Variants in CELSR1 observed in about 807,000 individuals in gnomAD.
CELSR1 encodes adhesion G protein-coupled receptor C1.
Under a neutral mutation model 249.1 loss-of-function variants are expected in CELSR1, and 110 were observed. The ratio of observed to expected loss-of-function variants is 0.44; its 90% CI spans 0.38 to 0.52. The LOEUF is 0.52. Ranked by LOEUF, CELSR1 falls within the 20% of genes least tolerant of loss-of-function variation. CELSR1 has a pLI of 0.00. For synonymous variants in CELSR1, 2,113 were observed against 1,900.0 expected, an observed-to-expected ratio of 1.11 and a Z score of -2.92; for missense variants, 4,109 against 4,296.4, an observed-to-expected ratio of 0.96 and a Z score of 1.22.
rs2079713897 is a variant in CELSR1 at position 46,439,417 on chromosome 22, G to C, written c.4184-6C>G. ...ATCCACCTCACAGTGCTCTCCTGGG[G>C]GGCGAGAGGAAGATGCCAGAGAGGA... is the stretch of plus-strand genomic sequence containing the variant. On this transcript the variant is annotated splice_polypyrimidine_tract_variant and splice_region_variant and intron_variant, in intron 2 of 34. Transcript: ENST00000674500. The C allele has an allele frequency of 1.2e-6, 2 of 1,608,680 alleles. No homozygotes were observed. Among genetic ancestry groups the C allele is most frequent in the Non-Finnish European group, 1.7e-6 (2 of 1,178,358 alleles).
chr22:46,431,759 C>T (rs961036321), intron 5 of CELSR1, among the ~76,000 whole-genome samples: 5 of 152,194 alleles, frequency 3.3e-5, no homozygotes, highest in Admixed American at 6.5e-5. Flanking sequence ...AGGACGGCAC[C>T]GTATCAAGAA....
Position 46,401,060 on chromosome 22 carries a change from G to A in CELSR1, c.5227-1158C>T, listed in dbSNP as rs1216381234. ...GAAAAAGGATCAATCGCTTCATGGA[G>A]GTCAAGTAAGGGAAGCGCCAAGAAC... On this transcript the variant is annotated intron_variant, in intron 9 of 34. Transcript: ENST00000674500. This position sits in a 1 kb window ranked among gnomAD's most constrained non-coding sequence, Gnocchi z 4.7. Among the ~76,000 whole-genome samples, 2 of 152,140 alleles carry A rather than the reference G, an allele frequency of 1.3e-5. No homozygotes were observed. The highest frequency in any genetic ancestry group is 3.9e-4 in the East Asian group (2 of 5,190).
chr22:46,519,382 G>C (rs778145234), intron 1 of CELSR1, among the ~76,000 whole-genome samples: 1 of 152,232 alleles, frequency 6.6e-6, no homozygotes, highest in African/African-American at 2.4e-5. Context: ...TTGAACCAGC[G>C]TGTGTACTGG....
chr22:46,439,248 G>A lies in CELSR1; in HGVS notation c.4347C>T (p.Pro1449=). The change falls in exon 3 of 35, where the codon CCC becomes CCT. Residue 1449 remains proline (P), a synonymous_variant. Transcript: ENST00000674500. ...GGCCCCGGAAGGTGACGAAGGACTG[G>A]GGCGGGAAGCTCCTGGTGGTCACCT... The part of the protein sequence containing the change: ...YCEVTTRSFP[P]QSFVTFRGLR... The A allele has an allele frequency of 9.3e-6, 15 of 1,614,190 alleles. No homozygotes were observed. Among genetic ancestry groups the A allele is most frequent in the East Asian group, 2.2e-5 (1 of 44,888 alleles).
Position 46,386,540 on chromosome 22 carries a change from C to T in CELSR1, c.6601G>A (p.Ala2201Thr), listed in dbSNP as rs756298355. 1.3e-5 allele frequency: 20 copies of T among 1,598,026 alleles called. No individual in the cohort carries two copies. The highest frequency in any genetic ancestry group is 1.7e-5 in the Non-Finnish European group (20 of 1,174,258). Residue 2201 changes from alanine to threonine, a missense_variant, in exon 19 of 35, where the codon GCG (alanine) becomes ACG (threonine). By Grantham distance (58) the Ala-to-Thr change is moderately conservative. Transcript: ENST00000674500. The part of the protein sequence containing the change: ...GSALLAPATR[A>T]AWEQIQRSEG... Reference sequence around the variant, plus strand: ...CTCCGCTGGATCTGCTCCCACGCCGCCCTGGTGGCTGGGGCCAGGAGGGCG... The same window carrying T: ...CTCCGCTGGATCTGCTCCCACGCCGTCCTGGTGGCTGGGGCCAGGAGGGCG...
At chr22:46,370,466 C>T (rs983981427) in intron 25 of CELSR1, among the ~76,000 whole-genome samples, 7 of 152,074 alleles carry the variant, frequency 4.6e-5, no homozygotes, top group African/African-American at 1.4e-4. Context: ...GCCTGCTATA[C>T]GAGCTGCTTG....
Position 46,439,183 on chromosome 22 carries a change from A to G in CELSR1, c.4406+6T>C, listed in dbSNP as rs2079707586. The stretch of plus-strand genomic sequence containing the variant: ...CCCCGTGTGGCGCGGCGGGACGCAC[A>G]CTCACGTGAGGGAGATGGTGAAGTG... On this transcript the variant is annotated splice_donor_region_variant and intron_variant, in intron 3 of 34. Coordinates refer to ENST00000674500, the MANE Select transcript of CELSR1 (RefSeq NM_001378328.1). 1.9e-6 allele frequency: 3 copies of G among 1,609,300 alleles called. No individual in the cohort carries two copies. The highest frequency in any genetic ancestry group is 1.7e-6 in the Non-Finnish European group (2 of 1,176,414).
At chr22:46,382,691 C>A (rs1602052190) in intron 20 of CELSR1, among the ~76,000 whole-genome samples, 1 of 152,206 alleles carries the variant, frequency 6.6e-6, no homozygotes, top group East Asian at 1.9e-4. Flanking sequence ...CGCGCTCCAT[C>A]CGCACAATGG....
chr22:46,523,859 G>A (rs1406001325), intron 1 of CELSR1, among the ~76,000 whole-genome samples: 1 of 152,056 alleles, frequency 6.6e-6, no homozygotes, highest in Non-Finnish European at 1.5e-5. Flanking sequence ...TCTACCATAA[G>A]AGACCCCACA....
At chr22:46,529,790 G>A (rs1324904133) in intron 1 of CELSR1, among the ~76,000 whole-genome samples, 3 of 150,410 alleles carry the variant, frequency 2.0e-5, no homozygotes, top group Non-Finnish European at 4.4e-5. Flanking sequence ...GAGATACAGT[G>A]AGACTCCATC....
Position 46,488,522 on chromosome 22 carries a change from C to T in CELSR1, c.3545-24177G>A, listed in dbSNP as rs941141525. Among the ~76,000 whole-genome samples, 2 of 152,156 alleles carry T rather than the reference C, an allele frequency of 1.3e-5. No individual in the cohort carries two copies. The highest frequency in any genetic ancestry group is 6.5e-5 in the Admixed American group (1 of 15,282). On this transcript the variant is annotated intron_variant, in intron 1 of 34. Coordinates refer to ENST00000674500, the MANE Select transcript of CELSR1 (RefSeq NM_001378328.1). The surrounding 1 kb of genome is among the most constrained non-coding windows in gnomAD (Gnocchi z 4.7). ...CTTGAACCCACACCAAGGCTGGACT[C>T]GGCACAGGCCAGAGGGAAGCCCCAC...
At position 46,409,900 on chromosome 22, in the gene CELSR1, G is replaced by A. The variant is rs538321365; in HGVS notation, c.4934-20C>T. 1.4e-5 allele frequency: 23 copies of A among 1,610,212 alleles called. No individual in the cohort carries two copies. The highest frequency in any genetic ancestry group is 8.9e-5 in the East Asian group (4 of 44,846). ...CGCAGCCTGGCAACACAGAGCGTGC[G>A]GCAGAGCCTGACTCGGAGGAACCGC... On this transcript the variant is annotated intron_variant, in intron 7 of 34. Coordinates refer to ENST00000674500, the MANE Select transcript of CELSR1 (RefSeq NM_001378328.1). The surrounding 1 kb of genome is among the most constrained non-coding windows in gnomAD (Gnocchi z 9.8).
Position 46,423,109 on chromosome 22 carries a change from G to T in CELSR1, c.4611+10284C>A, listed in dbSNP as rs927859532. 2.6e-5 allele frequency among the ~76,000 whole-genome samples: 4 copies of T among 152,190 alleles called. No individual in the cohort carries two copies. The highest frequency in any genetic ancestry group is 9.7e-5 in the African/African-American group (4 of 41,448). On this transcript the variant is annotated intron_variant, in intron 5 of 34. Transcript: ENST00000674500. The surrounding 1 kb of genome is among the most constrained non-coding windows in gnomAD (Gnocchi z 5.6). ...TAAGGCCTGGAAAGCACCGTGCACTGGGACTCGCCCTCTCTGGCTGCTAGG... is the reference window on the plus strand; with the variant it reads ...TAAGGCCTGGAAAGCACCGTGCACTTGGACTCGCCCTCTCTGGCTGCTAGG...
chr22:46,467,447 G>A (rs1360969643), intron 1 of CELSR1, among the ~76,000 whole-genome samples: 3 of 151,994 alleles, frequency 2.0e-5, no homozygotes, highest in Admixed American at 2.0e-4. Context: ...TAAAATGAAA[G>A]GGACACGCAC....
In CELSR1 at chr22:46,534,438, G is replaced by T. The variant is rs1273132935; in HGVS notation, c.2733C>A (p.Ile911=). 6.2e-7 allele frequency: 1 copy of T among 1,612,874 alleles called. No homozygotes were observed. The highest frequency in any genetic ancestry group is 8.5e-7 in the Non-Finnish European group (1 of 1,180,024). ...IFEDAPPSTS[I]LQVSATDRDS... ...CCCGGTCCGTGGCAGAGACCTGGAG[G>T]ATGCTGGTCGAGGGTGGAGCATCCT... Residue 911 remains isoleucine, a synonymous_variant, in exon 1 of 35, where the codon ATC becomes ATA. Transcript: ENST00000674500. This position sits in a 1 kb window ranked among gnomAD's most constrained non-coding sequence, Gnocchi z 9.7.
chr22:46,510,436 G>T (rs2080561550), intron 1 of CELSR1, among the ~76,000 whole-genome samples: 1 of 152,090 alleles, frequency 6.6e-6, no homozygotes, highest in Non-Finnish European at 1.5e-5. Flanking sequence ...GTCCTTCAGG[G>T]CCCCATTGTC....
chr22:46,481,965 G>A (rs1181333298), intron 1 of CELSR1, among the ~76,000 whole-genome samples: 2 of 152,078 alleles, frequency 1.3e-5, no homozygotes, highest in Non-Finnish European at 2.9e-5. Flanking sequence ...TAGAGATGGG[G>A]TTTCGCCATG....
At position 46,364,254 on chromosome 22, in the gene CELSR1, G is replaced by A; in HGVS notation, c.8780-3C>T. The A allele has an allele frequency of 1.9e-6, 3 of 1,606,992 alleles. No individual in the cohort carries two copies. Among genetic ancestry groups the A allele is most frequent in the East Asian group, 2.2e-5 (1 of 44,862 alleles). On this transcript the variant is annotated splice_polypyrimidine_tract_variant and splice_region_variant and intron_variant, in intron 33 of 34. Transcript: ENST00000674500. The stretch of plus-strand genomic sequence containing the variant: ...GGTGACTTTATTTTTCAAGATGCCT[G>A]GGAGGAGGAGACACGGCAAGGTCAA...
At chr22:46,414,598 C>T (rs1041959918) in intron 5 of CELSR1, among the ~76,000 whole-genome samples, 21 of 147,424 alleles carry the variant, frequency 1.4e-4, no homozygotes, top group African/African-American at 1.6e-4. Context: ...TCCACTCTCC[C>T]GCCTCTCGGC....
Sources: allele counts gnomAD v4.1 joint callset (sites outside exome capture counted in the v4.1 genomes callset), GRCh38; gene constraint gnomAD v4.1.1; non-coding constraint Gnocchi (gnomAD v3.1); transcripts MANE v1.5; gene names NCBI Gene and HGNC (gene_info 2026-07-23, HGNC 2026-07-21).